XIRP2: variants seen among roughly 807,000 people sequenced by gnomAD.
XIRP2 encodes the protein xin actin-binding repeat-containing protein 2.
In XIRP2, 236 loss-of-function variants were observed where a neutral mutation model predicts 277.0. The ratio of observed to expected loss-of-function variants is 0.85; its 90% CI spans 0.77 to 0.95. The LOEUF (loss-of-function observed/expected upper bound fraction) is 0.95. XIRP2 is among the 40% of genes least tolerant of loss of function. The pLI is 0.00. For missense variants in XIRP2, 4,640 were observed against 4,157.5 expected, an observed-to-expected ratio of 1.12 and a Z score of -3.19; for synonymous variants, 1,490 against 1,416.5, an observed-to-expected ratio of 1.05 and a Z score of -1.17.
chr2:166,900,571 A>G (rs1480456643), intron 1 of XIRP2, among the ~76,000 whole-genome samples: 1 of 151,986 alleles, frequency 6.6e-6, no homozygotes, highest in Non-Finnish European at 1.5e-5. Context: ...TTTGTCATTT[A>G]TGTTGTAAAA....
chr2:166,891,594 C>G (rs1684106504), intron 1 of XIRP2, among the ~76,000 whole-genome samples: 1 of 151,934 alleles, frequency 6.6e-6, no homozygotes, highest in Admixed American at 6.6e-5. Flanking sequence ...AACTATCTGC[C>G]AAAACTAATT....
At chr2:167,164,338 C>T (rs931177150) in intron 3 of XIRP2, among the ~76,000 whole-genome samples, 47 of 145,658 alleles carry the variant, frequency 3.2e-4, no homozygotes, top group Middle Eastern at 3.5e-3. Context: ...CCCAGCTACT[C>T]GGGAGGCTGA....
intron 2 of XIRP2, among the ~76,000 whole-genome samples, chr2:166,955,256 G>T (rs1413594025): frequency 1.3e-5 from 2 of 151,730 alleles, no homozygotes; most frequent in Admixed American, 1.3e-4. Flanking sequence ...TTACTGACTC[G>T]TGCTATGATG....
chr2:167,065,603 T>C (rs2105244637), intron 2 of XIRP2, among the ~76,000 whole-genome samples: 1 of 151,992 alleles, frequency 6.6e-6, no homozygotes, highest in Middle Eastern at 3.4e-3. Flanking sequence ...CTAAATCCAT[T>C]ATCTTGTAAA....
At chr2:166,999,908 A>G (rs868228046) in intron 2 of XIRP2, among the ~76,000 whole-genome samples, 119 of 152,294 alleles carry the variant, frequency 7.8e-4, no homozygotes, top group African/African-American at 2.7e-3. Context: ...AGCTAGAAGA[A>G]AATTATTATA....
intron 2 of XIRP2, among the ~76,000 whole-genome samples, chr2:166,986,146 A>T (rs1686999018): frequency 6.6e-6 from 1 of 152,186 alleles, no homozygotes; most frequent in Admixed American, 6.5e-5. Context: ...TCATACATTT[A>T]AACTGATGAG....
chr2:166,996,757 G>A (rs899069823), intron 2 of XIRP2, among the ~76,000 whole-genome samples: 9 of 152,012 alleles, frequency 5.9e-5, no homozygotes, highest in Non-Finnish European at 1.2e-4. Context: ...TTGCTGTGCT[G>A]GGTTGAGCAC....
At chr2:166,944,366 A>G (rs1015917214) in intron 2 of XIRP2, among the ~76,000 whole-genome samples, 1 of 152,196 alleles carries the variant, frequency 6.6e-6, no homozygotes, top group African/African-American at 2.4e-5. Flanking sequence ...ATAGAAGTCA[A>G]CTTGTGATGA....
chr2:167,099,986 C>G (rs916344641), intron 2 of XIRP2, among the ~76,000 whole-genome samples: 1 of 151,786 alleles, frequency 6.6e-6, no homozygotes, highest in Non-Finnish European at 1.5e-5. Context: ...ATTTTTTTAA[C>G]TCAAACAAAA....
At chr2:167,088,819 A>G (rs1455280221) in intron 2 of XIRP2, among the ~76,000 whole-genome samples, 1 of 152,148 alleles carries the variant, frequency 6.6e-6, no homozygotes, top group Non-Finnish European at 1.5e-5. Flanking sequence ...TGTTTAGCTT[A>G]TACTTCACAT....
chr2:167,250,925 G>T lies in XIRP2; in HGVS notation c.9533G>T (p.Arg3178Leu), dbSNP rs375622239. 6 of 1,613,062 alleles carry T rather than the reference G, an allele frequency of 3.7e-6. No homozygotes were observed. The highest frequency in any genetic ancestry group is 5.1e-6 in the Non-Finnish European group (6 of 1,179,656). ...ACTTCCCCTTCTCCACCCAGGAGTCGCTCTGAACAACTTGTCAGACTCAAA... is the reference window on the plus strand; with the variant it reads ...ACTTCCCCTTCTCCACCCAGGAGTCTCTCTGAACAACTTGTCAGACTCAAA... ...ANTSPSPPRS[R>L]SEQLVRLKDT... The change falls in exon 9 of 11, where the codon CGC (arginine) becomes CTC (leucine). Residue 3178 changes from arginine to leucine, a missense_variant. Arg to Leu is a moderately radical substitution (Grantham distance 102). Transcript: ENST00000409195.
At chr2:167,017,272 C>T (rs1354757232) in intron 2 of XIRP2, among the ~76,000 whole-genome samples, 1 of 151,934 alleles carries the variant, frequency 6.6e-6, no homozygotes. Flanking sequence ...TTCCTCTAAC[C>T]TTCAATTACT....
chr2:167,090,565 G>C (rs1690109898), intron 2 of XIRP2, among the ~76,000 whole-genome samples: 2 of 152,228 alleles, frequency 1.3e-5, no homozygotes, highest in East Asian at 1.9e-4. Flanking sequence ...TTCTATGAAA[G>C]AATACTTGAT....
chr2:166,921,488 A>G (rs1685038636), intron 2 of XIRP2, among the ~76,000 whole-genome samples: 1 of 152,130 alleles, frequency 6.6e-6, no homozygotes, highest in African/African-American at 2.4e-5. Flanking sequence ...TAGTTTACAT[A>G]CATCGCTCCA....
intron 2 of XIRP2, among the ~76,000 whole-genome samples, chr2:166,962,120 CTA>C (rs1251905041): frequency 3.3e-5 from 5 of 151,632 alleles, no homozygotes; most frequent in Non-Finnish European, 5.9e-5. Flanking sequence ...CAACATAATA[CTA>C]TGTTTAGAAT....
chr2:167,242,648 A>T lies in XIRP2; in HGVS notation c.1256A>T (p.Gln419Leu). 1 of 1,614,108 alleles carries T rather than the reference A, an allele frequency of 6.2e-7. No individual in the cohort carries two copies. Among genetic ancestry groups the T allele is most frequent in the Non-Finnish European group, 8.5e-7 (1 of 1,179,976 alleles). Residue 419 changes from glutamine to leucine, a missense_variant, in exon 9 of 11, where the codon CAG becomes CTG. Transcript: ENST00000409195. ...TCCACTTCTTGCGTTTCAACCAGCC[A>T]GAGGAAGGAAACATCAACTACAAGA... The part of the protein sequence containing the change: ...TSSTSCVSTS[Q>L]RKETSTTRYS...
intron 5 of XIRP2, among the ~76,000 whole-genome samples, chr2:167,234,737 AG>A (rs1694853178): frequency 6.6e-6 from 1 of 151,976 alleles, no homozygotes; most frequent in East Asian, 1.9e-4. Flanking sequence ...AGTCACACAA[AG>A]AATTAGGACT....
chr2:167,027,215 T>G (rs972288633), intron 2 of XIRP2, among the ~76,000 whole-genome samples: 3 of 152,114 alleles, frequency 2.0e-5, no homozygotes, highest in Non-Finnish European at 4.4e-5. Context: ...TTTTATTCTT[T>G]TTTCTCTAAA....
chr2:167,225,361 G>T (rs1167377676), intron 5 of XIRP2, among the ~76,000 whole-genome samples: 1 of 152,096 alleles, frequency 6.6e-6, no homozygotes, highest in Non-Finnish European at 1.5e-5. Context: ...TGCATATGTG[G>T]TTTCTCAGCA....
Sources: gnomAD v4.1 joint callset for allele counts (sites outside exome capture counted in the v4.1 genomes callset) on GRCh38, gnomAD v4.1.1 for gene constraint, MANE v1.5 for transcripts, NCBI Gene and HGNC (gene_info 2026-07-23, HGNC 2026-07-21) for gene names.